Variants in DNAJC5B observed in about 807,000 individuals in gnomAD.
DNAJC5B encodes dnaJ homolog subfamily C member 5B.
DNAJC5B carries 23 observed loss-of-function variants against 24.7 expected under a neutral mutation model. The ratio of observed to expected loss-of-function variants is 0.93; its 90% CI spans 0.67 to 1.32. The LOEUF (loss-of-function observed/expected upper bound fraction) is 1.32. DNAJC5B is among the 40% of genes most tolerant of loss of function. The pLI, the probability that DNAJC5B is intolerant of heterozygous loss-of-function variation, is 0.00. For missense variants in DNAJC5B, 238 were observed against 240.8 expected (o/e 0.99, Z 0.08); for synonymous variants, 101 against 90.1 (o/e 1.12, Z -0.68).
chr8:66,037,431 G>T (rs747679801), intron 1 of DNAJC5B, among the ~76,000 whole-genome samples: 9 of 152,172 alleles, frequency 5.9e-5, no homozygotes, highest in Non-Finnish European at 1.2e-4. Context: ...GACCTGGGAG[G>T]AGAGACCACG....
intron 5 of DNAJC5B, among the ~76,000 whole-genome samples, chr8:66,093,696 T>C (rs989981737): frequency 1.3e-4 from 20 of 152,200 alleles, no homozygotes; most frequent in African/African-American, 3.4e-4. Flanking sequence ...CTTTATGGCA[T>C]TTTTTGATGA....
intron 1 of DNAJC5B, among the ~76,000 whole-genome samples, chr8:66,033,079 C>A (rs1276573011): frequency 6.6e-6 from 1 of 152,226 alleles, no homozygotes; most frequent in Admixed American, 6.5e-5. Flanking sequence ...AGAAGCCAAG[C>A]CATCCGTATC....
At chr8:66,058,421 C>T (rs1244521547) in intron 3 of DNAJC5B, among the ~76,000 whole-genome samples, 2 of 152,184 alleles carry the variant, frequency 1.3e-5, no homozygotes, top group Non-Finnish European at 2.9e-5. Flanking sequence ...TCCCAAACTC[C>T]TGGAGCAAAG....
At chr8:66,052,611 A>C (rs747169472) in intron 3 of DNAJC5B, among the ~76,000 whole-genome samples, 4 of 152,296 alleles carry the variant, frequency 2.6e-5, no homozygotes, top group Admixed American at 1.3e-4. Flanking sequence ...GTGACAGAAG[A>C]AGCACTGGTT....
intron 1 of DNAJC5B, among the ~76,000 whole-genome samples, chr8:66,040,667 C>T (rs558753358): frequency 6.6e-6 from 1 of 152,126 alleles, no homozygotes; most frequent in East Asian, 1.9e-4. Flanking sequence ...TTAGAACCGC[C>T]CCATGAGCCT....
At chr8:66,055,565 A>G (rs1406957971) in intron 3 of DNAJC5B, among the ~76,000 whole-genome samples, 2 of 152,246 alleles carry the variant, frequency 1.3e-5, no homozygotes, top group Non-Finnish European at 2.9e-5. Flanking sequence ...CTCTTACCTC[A>G]TATCACCCAA....
At chr8:66,098,331 A>G (rs1807999093) in intron 5 of DNAJC5B, among the ~76,000 whole-genome samples, 1 of 152,050 alleles carries the variant, frequency 6.6e-6, no homozygotes, top group Non-Finnish European at 1.5e-5. Context: ...AGCCTCCTGA[A>G]TACTGGGACC....
the DNAJC5B span, among the ~76,000 whole-genome samples, chr8:66,015,852 G>A: frequency 6.6e-5 from 10 of 152,308 alleles, no homozygotes; most frequent in South Asian, 2.1e-3. Flanking sequence ...GAATGAGAGG[G>A]ACACAAATGA....
intron 4 of DNAJC5B, among the ~76,000 whole-genome samples, chr8:66,080,127 T>G (rs1038594640): frequency 1.3e-5 from 2 of 152,182 alleles, no homozygotes; most frequent in Non-Finnish European, 2.9e-5. Flanking sequence ...AAGGCCATAC[T>G]TTATTACTTT....
At chr8:66,034,176 T>TTTTGTGTGTG (rs375426371) in intron 1 of DNAJC5B, among the ~76,000 whole-genome samples, 1 of 144,190 alleles carries the variant, frequency 6.9e-6, no homozygotes, top group Non-Finnish European at 1.5e-5. Flanking sequence ...TGTTGTTGTT[T>TTTTGTGTGTG]TGTGTGTGTG....
chr8:66,097,731 T>A (rs1807984915), intron 5 of DNAJC5B, among the ~76,000 whole-genome samples: 1 of 152,204 alleles, frequency 6.6e-6, no homozygotes, highest in African/African-American at 2.4e-5. Flanking sequence ...TAGGTTGATG[T>A]CTTCTTTCAG....
intron 1 of DNAJC5B, among the ~76,000 whole-genome samples, chr8:66,041,299 GAT>G (rs1013513858): frequency 6.6e-5 from 10 of 152,212 alleles, no homozygotes; most frequent in African/African-American, 2.2e-4. Flanking sequence ...AGCCTGCTGA[GAT>G]ATGAAATTTA....
intron 2 of DNAJC5B, among the ~76,000 whole-genome samples, chr8:66,045,681 C>G (rs1806707932): frequency 6.6e-6 from 1 of 152,080 alleles, no homozygotes; most frequent in Admixed American, 6.5e-5. Context: ...GGGAGCAGCC[C>G]CTGCCTGAGC....
chr8:66,089,075 A>G (rs1406995957), intron 5 of DNAJC5B, among the ~76,000 whole-genome samples: 2 of 152,172 alleles, frequency 1.3e-5, no homozygotes, highest in Admixed American at 1.3e-4. Context: ...GTAATTTATA[A>G]ACAAAAGAGG....
intron 5 of DNAJC5B, among the ~76,000 whole-genome samples, chr8:66,092,322 G>A (rs1335042573): frequency 6.6e-6 from 1 of 152,112 alleles, no homozygotes; most frequent in Non-Finnish European, 1.5e-5. Context: ...GAAATCACAG[G>A]CCTAAGCCAG....
chr8:66,091,674 A>G (rs2128966598), intron 5 of DNAJC5B, among the ~76,000 whole-genome samples: 1 of 152,314 alleles, frequency 6.6e-6, no homozygotes, highest in South Asian at 2.1e-4. Context: ...TCAAAATGAA[A>G]CATGATAAGT....
chr8:66,051,430 T>C, intron 2 of DNAJC5B, 101 bp from the exon 3 acceptor site: 1 of 737,112 alleles, frequency 1.4e-6, no homozygotes, highest in Non-Finnish European at 2.3e-6. Flanking sequence ...ACAAATATTC[T>C]TCAAATTGTC....
intron 2 of DNAJC5B, among the ~76,000 whole-genome samples, chr8:66,043,821 C>CTTT (rs11449089): frequency 8.4e-5 from 11 of 130,640 alleles, no homozygotes; most frequent in African/African-American, 3.0e-4. Flanking sequence ...TGAAAAGAAC[C>CTTT]TTTTTTTTTT....
chr8:66,015,014 T>G, the DNAJC5B span, among the ~76,000 whole-genome samples: 4 of 152,140 alleles, frequency 2.6e-5, no homozygotes, highest in Non-Finnish European at 4.4e-5. Context: ...CAAGATCTCA[T>G]GAGGAGAGGA....
Sources: allele counts gnomAD v4.1 joint callset (sites outside exome capture counted in the v4.1 genomes callset), GRCh38; gene constraint gnomAD v4.1.1; transcripts MANE v1.5; gene names NCBI Gene and HGNC (gene_info 2026-07-23, HGNC 2026-07-21).